TLK1: variants seen among roughly 807,000 people sequenced by gnomAD.
TLK1 encodes the protein tousled like kinase 1.
A neutral mutation model predicts 105.3 loss-of-function variants in TLK1; 24 were observed. The ratio of observed to expected loss-of-function variants is 0.23; its 90% CI spans 0.17 to 0.32. The LOEUF is 0.32. TLK1 is among the 10% of genes least tolerant of loss of function. The pLI is 1.00. For synonymous variants in TLK1, 321 were observed against 310.4 expected (o/e 1.03, Z -0.36); for missense variants, 558 against 910.5 (o/e 0.61, Z 4.98).
chr2:171,192,085 G>A (rs549641726), intron 1 of TLK1, among the ~76,000 whole-genome samples: 36 of 152,268 alleles, frequency 2.4e-4, no homozygotes, highest in Admixed American at 6.5e-4. Context: ...CTAGAGTACA[G>A]TAGTGCAATC....
chr2:171,064,330 A>G (rs1687892284), intron 3 of TLK1, among the ~76,000 whole-genome samples: 1 of 152,190 alleles, frequency 6.6e-6, no homozygotes, highest in Non-Finnish European at 1.5e-5. Flanking sequence ...CAAACACAGC[A>G]TCTCCTATTT....
intron 1 of TLK1, among the ~76,000 whole-genome samples, chr2:171,135,259 T>C (rs542490912): frequency 7.2e-5 from 11 of 152,074 alleles, no homozygotes; most frequent in African/African-American, 2.2e-4. Flanking sequence ...AGGTGACCGA[T>C]ATGTTAATTA....
At chr2:171,140,445 T>C (rs1168559195) in intron 1 of TLK1, among the ~76,000 whole-genome samples, 1 of 151,476 alleles carries the variant, frequency 6.6e-6, no homozygotes. Flanking sequence ...TCTGCTGATT[T>C]AAGTAGTGAC....
Position 171,160,235 on chromosome 2 carries a change from G to T in TLK1, c.139+55C>A. The T allele has an allele frequency of 1.5e-6, 2 of 1,327,902 alleles. No individual in the cohort carries two copies. The highest frequency in any genetic ancestry group is 9.6e-7 in the Non-Finnish European group (1 of 1,039,106). 82.3% of individuals were successfully genotyped at this position (1,327,902 alleles called of 1,614,324 possible). On this transcript the variant is annotated intron_variant, in intron 1 of 20. Transcript: ENST00000431350. This position sits in a 1 kb window ranked among gnomAD's most constrained non-coding sequence, Gnocchi z 4.4. Reference sequence around the variant, plus strand: ...GGGGGGGCGGGGGGGGGGCGCGGGGGTCCGCGGCGCGGGAGAGGAGGCCCG... The same window carrying T: ...GGGGGGGCGGGGGGGGGGCGCGGGGTTCCGCGGCGCGGGAGAGGAGGCCCG...
Position 171,069,647 on chromosome 2 carries a change from C to T in TLK1, c.331-8491G>A, listed in dbSNP as rs182968498. 3.2e-3 allele frequency among the ~76,000 whole-genome samples: 480 copies of T among 152,138 alleles called. 3 individuals are homozygous for T. Among genetic ancestry groups the T allele is most frequent in the Non-Finnish European group, 4.9e-3 (332 of 68,018 alleles). ...GGGTGAGAAACCTTGCTTTGATGAA[C>T]ACATTAAGAATCATTTGTAGTTGGT... is the stretch of plus-strand genomic sequence containing the variant. On this transcript the variant is annotated intron_variant, in intron 3 of 20. Coordinates refer to ENST00000431350, the MANE Select transcript of TLK1 (RefSeq NM_012290.5).
chr2:170,999,785 G>T (rs557811118), intron 18 of TLK1, among the ~76,000 whole-genome samples: 2 of 151,956 alleles, frequency 1.3e-5, no homozygotes, highest in South Asian at 4.2e-4. Context: ...TTTGAGACCG[G>T]GTCTCACTGT....
intron 2 of TLK1, among the ~76,000 whole-genome samples, chr2:171,113,773 G>A (rs918445704): frequency 2.6e-5 from 4 of 152,144 alleles, no homozygotes; most frequent in African/African-American, 9.7e-5. Flanking sequence ...ATGGATTAAA[G>A]AGCAAGTATG....
chr2:171,180,234 T>A (rs1692905295), intron 1 of TLK1, among the ~76,000 whole-genome samples: 1 of 151,290 alleles, frequency 6.6e-6, no homozygotes, highest in South Asian at 2.1e-4. Flanking sequence ...AAAAAAAAAA[T>A]TGCCCCCCGG....
intron 2 of TLK1, among the ~76,000 whole-genome samples, chr2:171,104,303 A>G (rs931425649): frequency 6.6e-6 from 1 of 152,014 alleles, no homozygotes; most frequent in Non-Finnish European, 1.5e-5. Context: ...TTCCATTTAC[A>G]AGAACTAAGA....
chr2:171,120,413 A>G (rs564563897), intron 1 of TLK1, among the ~76,000 whole-genome samples: 1 of 152,266 alleles, frequency 6.6e-6, no homozygotes, highest in East Asian at 1.9e-4. Context: ...AAGGATTGAT[A>G]TCCAGAATAT....
chr2:171,182,014 G>C (rs1019710), intron 1 of TLK1, among the ~76,000 whole-genome samples: 36 of 152,162 alleles, frequency 2.4e-4, no homozygotes, highest in African/African-American at 8.7e-4. Context: ...ACTCTGGGTC[G>C]ATCCAACCAG....
intron 2 of TLK1, among the ~76,000 whole-genome samples, chr2:171,095,767 C>G (rs187049012): frequency 6.6e-6 from 1 of 151,974 alleles, no homozygotes. Flanking sequence ...GAAAATGCAT[C>G]TGACAAAATT....
At chr2:171,211,645 G>C (rs1299681581) in intron 1 of TLK1, among the ~76,000 whole-genome samples, 1 of 152,068 alleles carries the variant, frequency 6.6e-6, no homozygotes, top group Non-Finnish European at 1.5e-5. Flanking sequence ...CGCCTCCCGG[G>C]TTCAAGTGGT....
chr2:171,101,098 A>G, intron 2 of TLK1, among the ~76,000 whole-genome samples: 1 of 152,230 alleles, frequency 6.6e-6, no homozygotes, highest in African/African-American at 2.4e-5. Flanking sequence ...CTGTAATCCC[A>G]GCACTTTGGG....
intron 1 of TLK1, among the ~76,000 whole-genome samples, chr2:171,132,549 T>C (rs1005973643): frequency 6.6e-6 from 1 of 152,270 alleles, no homozygotes; most frequent in Non-Finnish European, 1.5e-5. Flanking sequence ...AGTGGTATTT[T>C]AGTAAAAGTT....
intron 1 of TLK1, among the ~76,000 whole-genome samples, chr2:171,154,171 G>A (rs1324478777): frequency 6.6e-6 from 1 of 151,618 alleles, no homozygotes; most frequent in East Asian, 1.9e-4. Context: ...ACAGGCCTGA[G>A]ACATAGCACC....
chr2:171,227,172 T>C (rs1051779440), intron 1 of TLK1, among the ~76,000 whole-genome samples: 2 of 152,118 alleles, frequency 1.3e-5, no homozygotes, highest in African/African-American at 2.4e-5. Flanking sequence ...TACCCCTCCA[T>C]GTAGTTGAGG....
intron 1 of TLK1, among the ~76,000 whole-genome samples, chr2:171,221,347 C>T (rs754487128): frequency 4.6e-5 from 7 of 152,124 alleles, no homozygotes; most frequent in Non-Finnish European, 8.8e-5. Flanking sequence ...GCTGGATGCT[C>T]GGCGTATGAC....
chr2:171,061,267 C>A, intron 3 of TLK1, 111 bp from the exon 4 acceptor site: 2 of 849,958 alleles, frequency 2.4e-6, no homozygotes, highest in South Asian at 3.2e-5. Flanking sequence ...CAGTAGTGCT[C>A]AAGAGATGTT....
Sources: gnomAD v4.1 joint callset for allele counts (sites outside exome capture counted in the v4.1 genomes callset) on GRCh38, gnomAD v4.1.1 for gene constraint, Gnocchi (gnomAD v3.1) non-coding constraint, MANE v1.5 for transcripts, NCBI Gene and HGNC (gene_info 2026-07-23, HGNC 2026-07-21) for gene names.